Variants in SEZ6 observed in about 807,000 individuals in gnomAD.
SEZ6 encodes the protein seizure related 6 homolog.
In SEZ6, 53 loss-of-function variants were observed where a neutral mutation model predicts 101.0. The ratio of observed to expected loss-of-function variants is 0.52; its 90% CI spans 0.42 to 0.66. The LOEUF (loss-of-function observed/expected upper bound fraction) is 0.66, where lower values mean the gene tolerates loss of function less well. SEZ6 is among the 30% of genes least tolerant of loss of function. The pLI is 0.00. For missense variants in SEZ6, 1,102 were observed against 1,289.4 expected, an observed-to-expected ratio of 0.85 and a Z score of 2.23; for synonymous variants, 488 against 512.2, an observed-to-expected ratio of 0.95 and a Z score of 0.64.
At chr17:28,999,774 G>C (rs2041590580) in intron 1 of SEZ6, among the ~76,000 whole-genome samples, 2 of 152,212 alleles carry the variant, frequency 1.3e-5, no homozygotes, top group South Asian at 4.1e-4. Flanking sequence ...GGAGTGACTG[G>C]TCCTCTCATT....
chr17:29,002,476 T>G (rs939683463), intron 1 of SEZ6, among the ~76,000 whole-genome samples: 1 of 152,184 alleles, frequency 6.6e-6, no homozygotes, highest in Admixed American at 6.5e-5. Flanking sequence ...CCTGCCAAGC[T>G]TAGACCTATG....
At chr17:28,960,014 C>G in intron 7 of SEZ6, 122 bp from the exon 8 acceptor site, 1 of 1,098,058 alleles carries the variant, frequency 9.1e-7, no homozygotes, top group Non-Finnish European at 1.3e-6. Context: ...AAATATATGT[C>G]CTGGGGTTGG....
rs939582029 is a variant in SEZ6 at position 28,979,759 on chromosome 17, T to C, written c.779A>G (p.Asp260Gly). 5.0e-6 allele frequency: 8 copies of C among 1,613,450 alleles called. No individual in the cohort carries two copies. The highest frequency in any genetic ancestry group is 6.8e-6 in the Non-Finnish European group (8 of 1,179,748). ...GCCAACATCAGTGGGGGAGCTGAGG[T>C]CTGTAGGGGAGTCCAGAGAGCCCTC... ...GPEGSLDSPT[D>G]LSSPTDVGLD... The change falls in exon 3 of 17, where the codon GAC becomes GGC. Residue 260 changes from aspartate to glycine, a missense_variant. Physicochemically the swap from Asp to Gly is moderately conservative, Grantham distance 94. Coordinates refer to ENST00000317338, the MANE Select transcript of SEZ6 (RefSeq NM_178860.5).
rs577845162 is a variant in SEZ6, at chr17:28,999,649, G to A, written c.55+6166C>T. Among the ~76,000 whole-genome samples, 5 of 152,302 alleles carry A rather than the reference G, an allele frequency of 3.3e-5. No homozygotes were observed. In the East Asian group the frequency reaches 7.7e-4, roughly 24 times the overall value. ...CTCCCCCCACAGGTCTGGTGGTTTG[G>A]GCAGCAGGTAGGCAGGTGGAAGGAA... On this transcript the variant is annotated intron_variant, in intron 1 of 16. Coordinates refer to ENST00000317338, the MANE Select transcript of SEZ6 (RefSeq NM_178860.5).
intron 14 of SEZ6, 72 bp from the exon 15 acceptor site, chr17:28,956,539 C>G (rs2040881529): frequency 6.7e-7 from 1 of 1,503,128 alleles, no homozygotes; most frequent in South Asian, 1.2e-5. Context: ...CACCTCTGCC[C>G]AAGGGCATCT....
At chr17:28,994,057 T>G (rs1293315678) in intron 1 of SEZ6, among the ~76,000 whole-genome samples, 3 of 152,210 alleles carry the variant, frequency 2.0e-5, no homozygotes, top group Non-Finnish European at 2.9e-5. Context: ...CCCAGACCCC[T>G]GGGCTACCCT....
rs533621863 is a variant in SEZ6, at chr17:28,962,767, G to A, written c.1240+1195C>T. ...CTGCACTCCAGCCTGGGTGACAGAG[G>A]GAGACTCCATCTCAAAAAAAAAAAA... On this transcript the variant is annotated intron_variant, in intron 5 of 16. Transcript: ENST00000317338. Among the ~76,000 whole-genome samples the A allele has an allele frequency of 6.7e-4, 98 of 146,862 alleles. 1 individual carries two copies. The highest frequency in any genetic ancestry group is 2.4e-3 in the African/African-American group (94 of 39,620).
chr17:29,003,267 A>G (rs762520724), intron 1 of SEZ6, among the ~76,000 whole-genome samples: 12 of 152,318 alleles, frequency 7.9e-5, no homozygotes, highest in Non-Finnish European at 1.3e-4. Context: ...CAGGCACCCC[A>G]CACAGCTTGG....
chr17:28,956,682 G>A (rs1261157595), intron 14 of SEZ6, 37 bp downstream of exon 14: 1 of 1,554,368 alleles, frequency 6.4e-7, no homozygotes, highest in Middle Eastern at 1.7e-4. Context: ...CCAGGACCAG[G>A]GAGACCACTT....
chr17:28,995,347 T>TGG (rs111548392), intron 1 of SEZ6, among the ~76,000 whole-genome samples: 1 of 147,500 alleles, frequency 6.8e-6, no homozygotes, highest in East Asian at 2.0e-4. Flanking sequence ...TGCATGTATG[T>TGG]GGGGGGGGGT....
rs375097776 is a variant in SEZ6 at position 28,956,391 on chromosome 17, C to T, written c.2808G>A (p.Ala936=). The stretch of plus-strand genomic sequence containing the variant: ...ATACACCTCCTACCAACAACACCAT[C>T]GCCACCAGTGGCAAGAAGATGGCAG... ...IAAAIFLPLV[A]MVLLVGGVYF... is the part of the protein sequence containing the mutation. The change falls in exon 15 of 17, where the codon GCG becomes GCA. Residue 936 remains alanine (A), a synonymous_variant. Coordinates refer to ENST00000317338, the MANE Select transcript of SEZ6 (RefSeq NM_178860.5). The T allele has an allele frequency of 1.9e-6, 3 of 1,572,430 alleles. No homozygotes were observed. Among genetic ancestry groups the T allele is most frequent in the Non-Finnish European group, 1.7e-6 (2 of 1,158,776 alleles).
At chr17:28,988,007 C>G (rs932792869) in intron 1 of SEZ6, among the ~76,000 whole-genome samples, 1 of 152,152 alleles carries the variant, frequency 6.6e-6, no homozygotes, top group African/African-American at 2.4e-5. Flanking sequence ...TGCCAGGAGC[C>G]CTGCAGCTTG....
chr17:28,968,691 T>G (rs1468148852), intron 4 of SEZ6, among the ~76,000 whole-genome samples: 5 of 152,084 alleles, frequency 3.3e-5, no homozygotes, highest in Non-Finnish European at 5.9e-5. Context: ...GCTCCTTAGG[T>G]GGGGTTCCAA....
chr17:28,999,955 A>G (rs1200221086), intron 1 of SEZ6, among the ~76,000 whole-genome samples: 1 of 152,220 alleles, frequency 6.6e-6, no homozygotes, highest in Non-Finnish European at 1.5e-5. Context: ...AGAAGCACCT[A>G]TCATCACCAG....
Position 28,960,499 on chromosome 17 carries a change from G to A in SEZ6, c.1576+6C>T. The stretch of plus-strand genomic sequence containing the variant: ...GCCACCCCCAGTGAGGCCCCAGCAG[G>A]CTCACCCTCATAGCGCAGGGCCATG... On this transcript the variant is annotated splice_donor_region_variant and intron_variant, in intron 7 of 16. Transcript: ENST00000317338. The A allele has an allele frequency of 6.3e-7, 1 of 1,585,930 alleles. No individual in the cohort carries two copies. Among genetic ancestry groups the A allele is most frequent in the Non-Finnish European group, 8.6e-7 (1 of 1,166,930 alleles).
intron 1 of SEZ6, among the ~76,000 whole-genome samples, chr17:28,986,613 C>T (rs1018190077): frequency 6.6e-6 from 1 of 152,256 alleles, no homozygotes; most frequent in Non-Finnish European, 1.5e-5. Flanking sequence ...GTGCCCCAGC[C>T]TGGGGGAACC....
At chr17:28,999,529 T>C (rs1262398697) in intron 1 of SEZ6, among the ~76,000 whole-genome samples, 14 of 152,158 alleles carry the variant, frequency 9.2e-5, no homozygotes. Flanking sequence ...TGGATTGTTG[T>C]TGGAGAAGCC....
chr17:28,972,190 C>A (rs1442273086), intron 3 of SEZ6, among the ~76,000 whole-genome samples: 1 of 152,262 alleles, frequency 6.6e-6, no homozygotes, highest in Non-Finnish European at 1.5e-5. Context: ...CTGTTTCAGA[C>A]TCTCCCCACT....
intron 12 of SEZ6, 38 bp from the exon 13 acceptor site, chr17:28,957,280 C>T (rs1210222071): frequency 4.3e-6 from 7 of 1,612,796 alleles, no homozygotes; most frequent in Non-Finnish European, 5.9e-6. Flanking sequence ...GTGTCATGCC[C>T]TTGGCCTCCA....
Sources: gnomAD v4.1 joint callset for allele counts (sites outside exome capture counted in the v4.1 genomes callset) on GRCh38, gnomAD v4.1.1 for gene constraint, MANE v1.5 for transcripts, NCBI Gene and HGNC (gene_info 2026-07-23, HGNC 2026-07-21) for gene names.